Variants in GSE1 observed in about 807,000 individuals in gnomAD.
The protein encoded by GSE1 is genetic suppressor element 1.
Under a neutral mutation model 112.6 loss-of-function variants are expected in GSE1, and 32 were observed. That is an observed-to-expected ratio of 0.28 (90% confidence interval 0.21 to 0.38). The LOEUF (loss-of-function observed/expected upper bound fraction) is 0.38. Among genes scored for constraint, GSE1 ranks in the 10% least tolerant of loss-of-function variants. The probability of loss-of-function intolerance (pLI) is 1.00; values close to 1 mark genes in which losing one functional copy is unlikely to be tolerated. For synonymous variants in GSE1, 1,115 were observed against 735.6 expected, an observed-to-expected ratio of 1.52 and a Z score of -8.35; for missense variants, 2,348 against 1,699.2, an observed-to-expected ratio of 1.38 and a Z score of -6.71.
At chr16:85,309,887 GC>G (rs1196749614) in intron 1 of GSE1, among the ~76,000 whole-genome samples, 3 of 152,304 alleles carry the variant, frequency 2.0e-5, no homozygotes, top group African/African-American at 7.2e-5. Context: ...AGTGGCGGGC[GC>G]CCCCTTGCCA....
intron 2 of GSE1, among the ~76,000 whole-genome samples, chr16:85,367,396 T>TG (rs1286656310): frequency 6.6e-6 from 1 of 152,092 alleles, no homozygotes; most frequent in East Asian, 1.9e-4. Flanking sequence ...ATGCTGGGCA[T>TG]GGGGGGCATA....
intron 1 of GSE1, among the ~76,000 whole-genome samples, chr16:85,201,660 A>C (rs561317599): frequency 1.3e-4 from 19 of 151,870 alleles, no homozygotes; most frequent in South Asian, 6.2e-4. Flanking sequence ...TCAAAAAAAA[A>C]AACAACAACA....
At chr16:85,257,919 C>G (rs1907254955) in intron 1 of GSE1, among the ~76,000 whole-genome samples, 1 of 152,246 alleles carries the variant, frequency 6.6e-6, no homozygotes, top group South Asian at 2.1e-4. Context: ...TACACGTAAA[C>G]TGAGGCCCCT....
At chr16:85,554,834 G>A, upstream of GSE1, 1 of 978,536 alleles carries the variant, frequency 1.0e-6, no homozygotes, top group Non-Finnish European at 1.2e-6. Context: ...GCGCGGAGTT[G>A]GGCAGCCGGA....
intron 1 of GSE1, among the ~76,000 whole-genome samples, chr16:85,235,575 GT>G (rs1482028759): frequency 0.012 from 675 of 56,108 alleles, 31 homozygotes; most frequent in South Asian, 0.029. Context: ...GTGTGTGTGG[GT>G]GGGGGGGGGG....
At chr16:85,467,017 G>A (rs774020451) in intron 2 of GSE1, among the ~76,000 whole-genome samples, 3 of 152,228 alleles carry the variant, frequency 2.0e-5, no homozygotes, top group Non-Finnish European at 2.9e-5. Flanking sequence ...CTGAGATAGC[G>A]CCACTGCACT....
intron 2 of GSE1, among the ~76,000 whole-genome samples, chr16:85,427,620 C>T (rs1176254596): frequency 5.3e-5 from 8 of 152,060 alleles, no homozygotes; most frequent in East Asian, 1.9e-4. Context: ...CCAGTCTGGG[C>T]GACAGAGCAG....
At chr16:85,245,008 A>AT (rs61081331) in intron 1 of GSE1, among the ~76,000 whole-genome samples, 17 of 110,164 alleles carry the variant, frequency 1.5e-4, no homozygotes, top group African/African-American at 3.8e-4. Flanking sequence ...AAAAAAAAAA[A>AT]TTTTTTTTCC....
chr16:85,651,756 A>G (rs1008741697), intron 3 of GSE1, among the ~76,000 whole-genome samples: 3 of 152,110 alleles, frequency 2.0e-5, no homozygotes, highest in South Asian at 2.1e-4. Flanking sequence ...CCTGCCCTGG[A>G]GGCCTCCCCA....
upstream of GSE1, chr16:85,613,064 G>C (rs953645656): frequency 2.1e-6 from 1 of 477,112 alleles, no homozygotes; most frequent in Non-Finnish European, 3.4e-6. Context: ...GGGGAGGGGC[G>C]TGTGCCTGGG....
chr16:85,518,583 T>C (rs1598039394), intron 2 of GSE1, among the ~76,000 whole-genome samples: 1 of 152,142 alleles, frequency 6.6e-6, no homozygotes, highest in Non-Finnish European at 1.5e-5. Context: ...AGTTGCTCTC[T>C]CTGAGATTCA....
chr16:85,448,192 G>T (rs2049568195), intron 2 of GSE1, among the ~76,000 whole-genome samples: 1 of 152,208 alleles, frequency 6.6e-6, no homozygotes, highest in Non-Finnish European at 1.5e-5. Flanking sequence ...CAGACGGAGA[G>T]TCTCAGCCTC....
At chr16:85,448,211 T>A (rs374424282) in intron 2 of GSE1, among the ~76,000 whole-genome samples, 5 of 152,278 alleles carry the variant, frequency 3.3e-5, no homozygotes, top group African/African-American at 1.2e-4. Flanking sequence ...TCGCTTTGTG[T>A]TCCAGCTGCC....
At chr16:85,572,063 T>C (rs56855663) in intron 1 of GSE1, among the ~76,000 whole-genome samples, 86,129 of 150,106 alleles carry the variant, frequency 0.57, 24,647 homozygotes, top group East Asian at 0.67. Flanking sequence ...CCACACACCA[T>C]ACACACAACC....
chr16:85,206,249 G>C (rs1051936880), intron 1 of GSE1, among the ~76,000 whole-genome samples: 1 of 152,172 alleles, frequency 6.6e-6, no homozygotes, highest in African/African-American at 2.4e-5. Context: ...TGTTTGGCAA[G>C]GAGGCGGGCG....
intron 1 of GSE1, among the ~76,000 whole-genome samples, chr16:85,265,745 C>A (rs1379827030): frequency 2.0e-5 from 3 of 152,132 alleles, no homozygotes; most frequent in Admixed American, 6.6e-5. Flanking sequence ...GGGCTCTCTG[C>A]TGTGCTCAGG....
chr16:85,478,901 T>TTG (rs2050566511), intron 2 of GSE1, among the ~76,000 whole-genome samples: 3 of 78,684 alleles, frequency 3.8e-5, no homozygotes, highest in Non-Finnish European at 7.1e-5. Flanking sequence ...CTTTCTTTCT[T>TTG]TCTTTCTTTC....
At chr16:85,650,048 C>G (rs1020034076) in intron 3 of GSE1, among the ~76,000 whole-genome samples, 2 of 152,170 alleles carry the variant, frequency 1.3e-5, no homozygotes, top group African/African-American at 4.8e-5. Context: ...AGGGGACAAA[C>G]CTGCCCAGGG....
intron 1 of GSE1, among the ~76,000 whole-genome samples, chr16:85,599,844 G>A (rs971955261): frequency 6.6e-6 from 1 of 152,224 alleles, no homozygotes; most frequent in African/African-American, 2.4e-5. Context: ...AGGCTGCAGT[G>A]AGCTATGATC....
Sources: gnomAD v4.1 joint callset for allele counts (sites outside exome capture counted in the v4.1 genomes callset) on GRCh38, gnomAD v4.1.1 for gene constraint, MANE v1.5 for transcripts, NCBI Gene and HGNC (gene_info 2026-07-23, HGNC 2026-07-21) for gene names.